WDHD1: variants seen among roughly 807,000 people sequenced by gnomAD.
The protein encoded by WDHD1 is WD repeat and HMG-box DNA binding protein 1, also known as WD repeat and HMG-box DNA-binding protein 1.
In WDHD1, 111 loss-of-function variants were observed where a neutral mutation model predicts 135.4. The ratio of observed to expected loss-of-function variants is 0.82; its 90% CI spans 0.70 to 0.96. WDHD1 has a LOEUF of 0.96. Ranked by LOEUF, WDHD1 falls within the 40% of genes least tolerant of loss-of-function variation. The pLI, the probability that WDHD1 is intolerant of heterozygous loss-of-function variation, is 0.00. For synonymous variants in WDHD1, 434 were observed against 439.0 expected, an observed-to-expected ratio of 0.99 and a Z score of 0.14; for missense variants, 1,351 against 1,336.3, an observed-to-expected ratio of 1.01 and a Z score of -0.17.
In WDHD1 at chr14:54,987,067, A is replaced by G. The variant is rs1404389591; in HGVS notation, c.1768+79T>C. 5.8e-6 allele frequency: 9 copies of G among 1,542,356 alleles called. No individual in the cohort carries two copies. In the African/African-American group the frequency reaches 1.2e-4, roughly 21 times the overall value. Reference sequence around the variant, plus strand: ...AAAAGGAAGTATATAATCCAAGACAAAAAGAGTAACAAAAACAGCAAAAAA... The same window carrying G: ...AAAAGGAAGTATATAATCCAAGACAGAAAGAGTAACAAAAACAGCAAAAAA... On this transcript the variant is annotated intron_variant, in intron 14 of 25. Coordinates refer to ENST00000360586, the MANE Select transcript of WDHD1 (RefSeq NM_007086.4).
intron 7 of WDHD1, among the ~76,000 whole-genome samples, chr14:55,003,754 G>A (rs1266729844): frequency 6.6e-6 from 1 of 151,638 alleles, no homozygotes; most frequent in Non-Finnish European, 1.5e-5. Context: ...AGTAGAGACG[G>A]GGTCTTATCA....
At chr14:54,947,151 C>T (rs528250502) in intron 24 of WDHD1, among the ~76,000 whole-genome samples, 3 of 152,048 alleles carry the variant, frequency 2.0e-5, no homozygotes, top group Non-Finnish European at 2.9e-5. Flanking sequence ...ACCAGCCTGA[C>T]CAACATGGAG....
At position 54,976,602 on chromosome 14, in the gene WDHD1, G is replaced by A. The variant is rs972030275; in HGVS notation, c.2063+4938C>T. The stretch of plus-strand genomic sequence containing the variant: ...TTTATTCCCCGAACTTCCATGTACC[G>A]CTATCCACAGAAAGGAAATGAATCA... On this transcript the variant is annotated intron_variant, in intron 16 of 25. Coordinates refer to ENST00000360586, the MANE Select transcript of WDHD1 (RefSeq NM_007086.4). Among the ~76,000 whole-genome samples, 17 of 152,120 alleles carry A rather than the reference G, an allele frequency of 1.1e-4. No homozygotes were observed. The East Asian group carries it at 1.2e-3, about 10-fold the overall frequency.
At chr14:55,018,560 C>T (rs1283983501) in intron 2 of WDHD1, among the ~76,000 whole-genome samples, 1 of 151,990 alleles carries the variant, frequency 6.6e-6, no homozygotes, top group Non-Finnish European at 1.5e-5. Context: ...GAATTTTGTC[C>T]TTAAAAACAG....
rs147241661 is a variant in WDHD1 at position 55,008,349 on chromosome 14, A to G, written c.471T>C (p.Asp157=). 5.1e-4 allele frequency: 820 copies of G among 1,613,636 alleles called. 2 individuals are homozygous for G. Among genetic ancestry groups the G allele is most frequent in the Non-Finnish European group, 6.5e-4 (766 of 1,179,832 alleles). The change falls in exon 6 of 26, where the codon GAT becomes GAC. Residue 157 remains aspartate (D), a synonymous_variant. Transcript: ENST00000360586. Reference sequence around the variant, plus strand: ...AAATTTGCCACACTCTGACAGATCCATCACAACTAGCTGATGCCTGCAGGA... The same window carrying G: ...AAATTTGCCACACTCTGACAGATCCGTCACAACTAGCTGATGCCTGCAGGA... ...KDIFLASASC[D]GSVRVWQISD...
Position 55,008,233 on chromosome 14 carries a change from A to G in WDHD1, c.504+83T>C, listed in dbSNP as rs1309597148. The G allele has an allele frequency of 4.5e-6, 6 of 1,328,608 alleles. No homozygotes were observed. The Middle Eastern group carries it at 9.3e-4, about 206-fold the overall frequency. The allele number at this position is 1,328,608 out of a possible 1,614,324, so 82.3% of individuals were successfully genotyped here. A position where few individuals can be genotyped will look rare whatever the true frequency, so the allele number is the denominator to read the frequency against. On this transcript the variant is annotated intron_variant, in intron 6 of 25. Coordinates refer to ENST00000360586, the MANE Select transcript of WDHD1 (RefSeq NM_007086.4). Reference sequence around the variant, plus strand: ...AAACAAATTCCAAAGAAAAGCAATTATTAATTTGGCCCAGTAATACGACAT... The same window carrying G: ...AAACAAATTCCAAAGAAAAGCAATTGTTAATTTGGCCCAGTAATACGACAT...
chr14:55,007,178 A>C (rs2042085248), intron 7 of WDHD1, 102 bp downstream of exon 7: 4 of 928,116 alleles, frequency 4.3e-6, no homozygotes, highest in Non-Finnish European at 3.2e-6. Flanking sequence ...CAGTGAGCCG[A>C]GATTGCACCA....
chr14:55,000,784 A>T, intron 9 of WDHD1, 102 bp downstream of exon 9: 2 of 1,124,570 alleles, frequency 1.8e-6, no homozygotes, highest in Non-Finnish European at 2.4e-6. Flanking sequence ...TTATACTTTC[A>T]TTCTGACAAT....
chr14:54,943,634 G>C (rs886272521), intron 25 of WDHD1, among the ~76,000 whole-genome samples: 2 of 152,192 alleles, frequency 1.3e-5, no homozygotes, highest in Admixed American at 6.5e-5. Context: ...CTGGGCTCAA[G>C]AGATCCTCCT....
chr14:54,945,124 A>G (rs553627283), intron 24 of WDHD1, among the ~76,000 whole-genome samples: 64 of 151,970 alleles, frequency 4.2e-4, no homozygotes, highest in Admixed American at 2.6e-3. Flanking sequence ...CTCTTTTTCT[A>G]TTTCCCCAAA....
At chr14:55,019,079 A>T (rs1472753093) in intron 2 of WDHD1, among the ~76,000 whole-genome samples, 1 of 152,244 alleles carries the variant, frequency 6.6e-6, no homozygotes, top group East Asian at 1.9e-4. Flanking sequence ...TATTCAGCAT[A>T]AAATGCAACT....
At chr14:54,967,457 T>TA in intron 16 of WDHD1, 63 bp from the exon 17 acceptor site, 1 of 1,239,990 alleles carries the variant, frequency 8.1e-7, no homozygotes, top group South Asian at 1.4e-5. Context: ...CTACAAAATT[T>TA]AAAAAGTTTT....
At chr14:55,004,993 C>G in intron 7 of WDHD1, 1 of 543,576 alleles carries the variant, frequency 1.8e-6, no homozygotes, top group Non-Finnish European at 3.6e-6. Flanking sequence ...GCACCGAACT[C>G]AGGAGCTGGA....
Position 55,023,057 on chromosome 14 carries a change from A to T in WDHD1, c.77+3654T>A, listed in dbSNP as rs1342704436. On this transcript the variant is annotated intron_variant, in intron 2 of 25. Coordinates refer to ENST00000360586, the MANE Select transcript of WDHD1 (RefSeq NM_007086.4). ...GGCATGCTCTGACCTCAGGTGATCCACCCACCTCGGCCTCCCAAAATGCTG... is the reference window on the plus strand; with the variant it reads ...GGCATGCTCTGACCTCAGGTGATCCTCCCACCTCGGCCTCCCAAAATGCTG... 5.9e-5 allele frequency among the ~76,000 whole-genome samples: 9 copies of T among 151,920 alleles called. No homozygotes were observed. The South Asian group carries it at 1.9e-3, about 32-fold the overall frequency.
rs558871489 is a variant in WDHD1 at position 55,015,675 on chromosome 14, A to G, written c.78-2079T>C. Among the ~76,000 whole-genome samples, 8 of 151,734 alleles carry G rather than the reference A, an allele frequency of 5.3e-5. No individual in the cohort carries two copies. The South Asian group carries it at 1.2e-3, about 24-fold the overall frequency. On this transcript the variant is annotated intron_variant, in intron 2 of 25. Coordinates refer to ENST00000360586, the MANE Select transcript of WDHD1 (RefSeq NM_007086.4). ...CAGTCCCAATGGTGATGAGAGAAGT[A>G]TTTCACGTTTTTGTTCCAATGGAAT...
chr14:54,947,284 G>A (rs1306204670), intron 24 of WDHD1, among the ~76,000 whole-genome samples: 1 of 152,192 alleles, frequency 6.6e-6, no homozygotes, highest in East Asian at 1.9e-4. Flanking sequence ...GTTGCAGTGA[G>A]CCGAGATTGT....
chr14:54,978,643 A>G (rs2041566236), intron 16 of WDHD1, among the ~76,000 whole-genome samples: 1 of 152,168 alleles, frequency 6.6e-6, no homozygotes, highest in Admixed American at 6.5e-5. Context: ...GTCAATATTT[A>G]GAATGTAATA....
At chr14:55,014,111 T>C (rs1056550982) in intron 2 of WDHD1, among the ~76,000 whole-genome samples, 2 of 152,244 alleles carry the variant, frequency 1.3e-5, no homozygotes, top group African/African-American at 4.8e-5. Context: ...CATAAAATTA[T>C]AAAATTTTGA....
chr14:54,976,716 T>C (rs948832458), intron 16 of WDHD1, among the ~76,000 whole-genome samples: 2 of 151,874 alleles, frequency 1.3e-5, no homozygotes, highest in Admixed American at 6.6e-5. Context: ...CTTTGAAAAA[T>C]ATTTAAGGCT....
Sources: gnomAD v4.1 joint callset for allele counts (sites outside exome capture counted in the v4.1 genomes callset) on GRCh38, gnomAD v4.1.1 for gene constraint, MANE v1.5 for transcripts, NCBI Gene and HGNC (gene_info 2026-07-23, HGNC 2026-07-21) for gene names.